Variants in XKR9 observed in about 807,000 individuals in gnomAD.
XKR9 encodes the protein XK related 9, also known as XK-related protein 9.
XKR9 carries 32 observed loss-of-function variants against 32.0 expected under a neutral mutation model. The observed-to-expected ratio is 1.00, with a 90% CI of 0.76 to 1.34. The LOEUF is 1.34. XKR9 is among the 40% of genes most tolerant of loss of function. The probability of loss-of-function intolerance (pLI) is 0.00; values close to 1 mark genes in which losing one functional copy is unlikely to be tolerated. For synonymous variants in XKR9, 168 were observed against 143.4 expected, an observed-to-expected ratio of 1.17 and a Z score of -1.22; for missense variants, 546 against 429.7, an observed-to-expected ratio of 1.27 and a Z score of -2.39.
At chr8:70,937,124 C>T in the XKR9 span, among the ~76,000 whole-genome samples, 1 of 151,816 alleles carries the variant, frequency 6.6e-6, no homozygotes, top group Non-Finnish European at 1.5e-5. Context: ...CATTAACCTC[C>T]TGCATATGCG....
chr8:70,889,292 A>G, the XKR9 span, among the ~76,000 whole-genome samples: 1 of 151,714 alleles, frequency 6.6e-6, no homozygotes, highest in African/African-American at 2.4e-5. Context: ...TGATTTTCAT[A>G]TGGTGATTTA....
the XKR9 span, among the ~76,000 whole-genome samples, chr8:70,905,082 T>C: frequency 3.9e-5 from 6 of 152,180 alleles, no homozygotes; most frequent in Non-Finnish European, 7.3e-5. Flanking sequence ...CTTTGGTGAA[T>C]CTGATAATTA....
the XKR9 span, among the ~76,000 whole-genome samples, chr8:71,008,486 C>T: frequency 6.6e-6 from 1 of 152,066 alleles, no homozygotes; most frequent in East Asian, 1.9e-4. Context: ...GTGGCTGGCC[C>T]CCAGATCAGC....
chr8:71,052,991 A>G, the XKR9 span, among the ~76,000 whole-genome samples: 4 of 152,240 alleles, frequency 2.6e-5, no homozygotes, highest in African/African-American at 9.6e-5. Context: ...GGTACTTAAA[A>G]GAGATTGTGG....
At chr8:70,697,668 G>A (rs1328398349) in intron 3 of XKR9, among the ~76,000 whole-genome samples, 7 of 151,590 alleles carry the variant, frequency 4.6e-5, no homozygotes, top group Middle Eastern at 3.4e-3. Context: ...GTCTCTGCCC[G>A]GCTTTGGTAT....
intron 2 of XKR9, among the ~76,000 whole-genome samples, chr8:70,745,983 G>A (rs1807052970): frequency 6.6e-6 from 1 of 151,998 alleles, no homozygotes; most frequent in East Asian, 1.9e-4. Context: ...CATGTCTTTG[G>A]GGTTAACATG....
At chr8:71,030,237 G>A in the XKR9 span, among the ~76,000 whole-genome samples, 3 of 152,126 alleles carry the variant, frequency 2.0e-5, no homozygotes, top group African/African-American at 7.2e-5. Flanking sequence ...TCAACTTTTA[G>A]AGAAAGGAGA....
chr8:70,921,775 T>C, the XKR9 span, among the ~76,000 whole-genome samples: 2 of 152,214 alleles, frequency 1.3e-5, no homozygotes, highest in African/African-American at 2.4e-5. Flanking sequence ...CTGCTAATTA[T>C]ACATTTTAGG....
chr8:70,836,790 A>G, the XKR9 span, among the ~76,000 whole-genome samples: 1 of 152,074 alleles, frequency 6.6e-6, no homozygotes, highest in African/African-American at 2.4e-5. Context: ...TTTATTGGAA[A>G]CCTACAAGGT....
At chr8:70,708,629 T>G (rs1039826337) in intron 4 of XKR9, among the ~76,000 whole-genome samples, 2 of 152,114 alleles carry the variant, frequency 1.3e-5, no homozygotes, top group African/African-American at 2.4e-5. Context: ...ACAAAGAGAT[T>G]ATTATATAGA....
At chr8:70,882,058 A>G in the XKR9 span, among the ~76,000 whole-genome samples, 1 of 152,284 alleles carries the variant, frequency 6.6e-6, no homozygotes, top group African/African-American at 2.4e-5. Flanking sequence ...GTGGGAATTG[A>G]ACAATGAAAT....
the XKR9 span, among the ~76,000 whole-genome samples, chr8:71,016,978 C>A: frequency 6.6e-6 from 1 of 152,102 alleles, no homozygotes; most frequent in Non-Finnish European, 1.5e-5. Flanking sequence ...AACTCAGTTA[C>A]TTCTTAGATG....
the XKR9 span, among the ~76,000 whole-genome samples, chr8:70,900,908 G>A: frequency 6.6e-6 from 1 of 152,102 alleles, no homozygotes; most frequent in South Asian, 2.1e-4. Flanking sequence ...AACATGTGGT[G>A]TTTAGTTTTC....
At chr8:71,046,344 G>A in the XKR9 span, among the ~76,000 whole-genome samples, 1 of 152,290 alleles carries the variant, frequency 6.6e-6, no homozygotes, top group South Asian at 2.1e-4. Context: ...TGCCGAGGGA[G>A]ATTCCCCTTT....
Position 70,784,410 on chromosome 8 carries a change from ATT to A in XKR9, n.353-4922_353-4921del, listed in dbSNP as rs34801661. On this transcript the variant is annotated intron_variant and non_coding_transcript_variant, in intron 2 of 3. Coordinates refer to the XKR9 transcript ENST00000520273. ...TTTTTTTATAGTTTTTAGTGTACAGATTTTTTTTACCTCTTTAGTTAAATTTA... is the reference window on the plus strand; with the variant it reads ...TTTTTTTATAGTTTTTAGTGTACAGATTTTTTACCTCTTTAGTTAAATTTA... Among the ~76,000 whole-genome samples the A allele has an allele frequency of 9.4e-4, 142 of 151,514 alleles. 1 individual carries two copies. Among genetic ancestry groups the A allele is most frequent in the Non-Finnish European group, 1.9e-3 (132 of 67,864 alleles).
the XKR9 span, among the ~76,000 whole-genome samples, chr8:70,915,292 T>A: frequency 6.6e-6 from 1 of 152,200 alleles, no homozygotes; most frequent in East Asian, 1.9e-4. Context: ...GGCCATAATT[T>A]CTAATCTGGT....
rs974861632 is a variant in XKR9, at chr8:70,681,298, A to G, written c.240A>G (p.Leu80=). Residue 80 remains leucine, a synonymous_variant, in exon 3 of 5, where the codon CTA becomes CTG. Coordinates refer to ENST00000408926, the MANE Select transcript of XKR9 (RefSeq NM_001011720.2). ...AGQESQHCFL[L]LHCLQGGVFT... The stretch of plus-strand genomic sequence containing the variant: ...AAGAAAGTCAGCATTGTTTTCTTCT[A>G]CTTCATTGCTTGCAAGGAGGAGTTT... 2 of 1,612,782 alleles carry G rather than the reference A, an allele frequency of 1.2e-6. No homozygotes were observed.
At chr8:70,795,301 G>T (rs1807814345), downstream of XKR9, among the ~76,000 whole-genome samples, 1 of 152,008 alleles carries the variant, frequency 6.6e-6, no homozygotes, top group South Asian at 2.1e-4. Context: ...TCCTGCAAAG[G>T]ATAGGATCTC....
chr8:70,794,821 T>G (rs1296644875), downstream of XKR9, among the ~76,000 whole-genome samples: 33 of 83,738 alleles, frequency 3.9e-4, no homozygotes, highest in African/African-American at 1.6e-3. Context: ...TGTAGTCTTC[T>G]TTTGTGTGTG....
Sources: gnomAD v4.1 joint callset for allele counts (sites outside exome capture counted in the v4.1 genomes callset) on GRCh38, gnomAD v4.1.1 for gene constraint, MANE v1.5 for transcripts, NCBI Gene and HGNC (gene_info 2026-07-23, HGNC 2026-07-21) for gene names.